The following UGT1A7 variants were observed in gnomAD, a reference collection of about 807,000 sequenced individuals.
The protein encoded by UGT1A7 is UDP glucuronosyltransferase family 1 member A7.
UGT1A7 carries 33 observed loss-of-function variants against 45.6 expected under a neutral mutation model. That is an observed-to-expected ratio of 0.72 (90% CI 0.55 to 0.97). The LOEUF is 0.97. UGT1A7 is among the 50% of genes least tolerant of loss of function. The pLI, the probability that UGT1A7 is intolerant of heterozygous loss-of-function variation, is 0.00. For missense variants in UGT1A7, 684 were observed against 666.2 expected (o/e 1.03, Z -0.29); for synonymous variants, 274 against 250.6 (o/e 1.09, Z -0.88).
chr2:233,718,922 GC>G (rs1473563320), intron 1 of UGT1A7: 1 of 1,614,124 alleles, frequency 6.2e-7, no homozygotes, highest in East Asian at 2.2e-5. Context: ...TGTTGGTGGT[GC>G]CCACTGATGG....
At chr2:233,743,417 G>C (rs1204856342) in intron 1 of UGT1A7, 2 of 1,334,558 alleles carry the variant, frequency 1.5e-6, no homozygotes, top group African/African-American at 1.5e-5. Flanking sequence ...CCACTTCCCA[G>C]GGAGCCAAAG....
chr2:233,719,060 T>A (rs2076720439), intron 1 of UGT1A7: 2 of 1,614,258 alleles, frequency 1.2e-6, no homozygotes, highest in Middle Eastern at 1.6e-4. Flanking sequence ...TGACAGCCTA[T>A]GCTGTTCCAT....
At chr2:233,711,086 CTA>C (rs1559357470) in intron 1 of UGT1A7, among the ~76,000 whole-genome samples, 1 of 152,212 alleles carries the variant, frequency 6.6e-6, no homozygotes, top group Non-Finnish European at 1.5e-5. Context: ...GGCTCCAAGT[CTA>C]TCTGTGCAGC....
Position 233,693,995 on chromosome 2 carries a change from G to A in UGT1A7, c.855+11203G>A, listed in dbSNP as rs7592281. ...GAAACGGTGGGGGGAAGTGATACCCGGCTCGGAGCAGCGGGAACACATAGG... is the reference window on the plus strand; with the variant it reads ...GAAACGGTGGGGGGAAGTGATACCCAGCTCGGAGCAGCGGGAACACATAGG... On this transcript the variant is annotated intron_variant, in intron 1 of 4. Transcript: ENST00000373426. 1.4e-4 allele frequency: 214 copies of A among 1,516,840 alleles called. 1 individual carries two copies. The highest frequency in any genetic ancestry group is 1.8e-4 in the Non-Finnish European group (199 of 1,126,318). The allele number at this position is 1,516,840 out of a possible 1,614,324, so 94.0% of individuals were successfully genotyped here.
At chr2:233,743,230 T>A (rs751434159) in intron 1 of UGT1A7, 5 of 416,618 alleles carry the variant, frequency 1.2e-5, no homozygotes, top group Non-Finnish European at 2.4e-5. Flanking sequence ...TGCTATTTAT[T>A]ATGAAGGACT....
intron 1 of UGT1A7, among the ~76,000 whole-genome samples, chr2:233,759,231 T>G (rs911541986): frequency 6.6e-6 from 1 of 152,228 alleles, no homozygotes; most frequent in African/African-American, 2.4e-5. Context: ...AAATGAAGGA[T>G]GGAAACTTGC....
chr2:233,692,756 A>G, intron 1 of UGT1A7: 3 of 1,156,272 alleles, frequency 2.6e-6, no homozygotes, highest in Non-Finnish European at 2.3e-6. Flanking sequence ...AGACTTGTGG[A>G]GCTGAAGAGA....
intron 1 of UGT1A7, among the ~76,000 whole-genome samples, chr2:233,699,316 A>G (rs1346497973): frequency 6.6e-6 from 1 of 151,896 alleles, no homozygotes; most frequent in African/African-American, 2.4e-5. Context: ...CCTTTTTGCT[A>G]TTTTGTTGAG....
chr2:233,737,141 C>T (rs2078844514), intron 1 of UGT1A7, among the ~76,000 whole-genome samples: 1 of 152,246 alleles, frequency 6.6e-6, no homozygotes, highest in African/African-American at 2.4e-5. Context: ...GCCTTTTGTT[C>T]AGATATGCCC....
intron 1 of UGT1A7, among the ~76,000 whole-genome samples, chr2:233,685,455 T>C (rs2074739226): frequency 6.6e-6 from 1 of 152,196 alleles, no homozygotes; most frequent in Non-Finnish European, 1.5e-5. Flanking sequence ...CTACACCATC[T>C]AGGGCCAGTG....
intron 1 of UGT1A7, among the ~76,000 whole-genome samples, chr2:233,739,992 T>C (rs772368489): frequency 2.0e-5 from 3 of 151,936 alleles, no homozygotes; most frequent in Non-Finnish European, 2.9e-5. Context: ...CATGCTGTTC[T>C]TGTCATACTA....
At chr2:233,725,113 T>A (rs1198574402) in intron 1 of UGT1A7, among the ~76,000 whole-genome samples, 1 of 138,758 alleles carries the variant, frequency 7.2e-6, no homozygotes, top group African/African-American at 2.9e-5. Flanking sequence ...GGCAGGGAGG[T>A]TGCAGTGAGC....
At chr2:233,729,653 T>C (rs781239546) in intron 1 of UGT1A7, 1 of 1,613,906 alleles carries the variant, frequency 6.2e-7, no homozygotes, top group East Asian at 2.2e-5. Flanking sequence ...TTGAGGAACA[T>C]TCCATGTGAT....
At chr2:233,690,802 A>T in intron 1 of UGT1A7, 1 of 1,100,996 alleles carries the variant, frequency 9.1e-7, no homozygotes, top group East Asian at 7.4e-5. Context: ...CACACACACC[A>T]TTCTTAGTAC....
chr2:233,722,194 C>T (rs1259255886), intron 1 of UGT1A7: 3 of 157,146 alleles, frequency 1.9e-5, no homozygotes, highest in African/African-American at 4.8e-5. Flanking sequence ...TGCCAATTTA[C>T]TGAGTGCATG....
intron 1 of UGT1A7, among the ~76,000 whole-genome samples, chr2:233,758,968 C>T (rs1224363949): frequency 6.6e-6 from 1 of 152,170 alleles, no homozygotes; most frequent in Non-Finnish European, 1.5e-5. Context: ...AATGCCTTTC[C>T]CCTGGATCTT....
chr2:233,711,968 G>T (rs545483514), intron 1 of UGT1A7, among the ~76,000 whole-genome samples: 6 of 152,338 alleles, frequency 3.9e-5, no homozygotes, highest in African/African-American at 1.4e-4. Flanking sequence ...TTTGAAATTT[G>T]AACTAGAGCC....
chr2:233,732,094 T>C (rs1575595970), intron 1 of UGT1A7, among the ~76,000 whole-genome samples: 2 of 152,276 alleles, frequency 1.3e-5, no homozygotes, highest in South Asian at 2.1e-4. Flanking sequence ...TTTTGAGAAG[T>C]GTCTGTTCAT....
chr2:233,759,397 G>A (rs1263018819), intron 1 of UGT1A7, among the ~76,000 whole-genome samples: 10 of 152,128 alleles, frequency 6.6e-5, no homozygotes, highest in East Asian at 5.8e-4. Context: ...CAGAGTAACC[G>A]TGTGACCTGT....
Sources: gnomAD v4.1 joint callset for allele counts (sites outside exome capture counted in the v4.1 genomes callset) on GRCh38, gnomAD v4.1.1 for gene constraint, MANE v1.5 for transcripts, NCBI Gene and HGNC (gene_info 2026-07-23, HGNC 2026-07-21) for gene names.